Variants in EPHB2 observed in about 807,000 individuals in gnomAD.
EPHB2 encodes EPH receptor B2, also known as ephrin type-B receptor 2.
EPHB2 carries 18 observed loss-of-function variants against 96.4 expected under a neutral mutation model. That is an observed-to-expected ratio of 0.19 (90% CI 0.13 to 0.28). The LOEUF is 0.28. EPHB2 is among the 10% of genes least tolerant of loss of function. The pLI, the probability that EPHB2 is intolerant of heterozygous loss-of-function variation, is 1.00. For missense variants in EPHB2, 989 were observed against 1,355.4 expected (o/e 0.73, Z 4.25); for synonymous variants, 506 against 534.1 (o/e 0.95, Z 0.72).
At chr1:22,779,613 C>A (rs1644500456) in intron 1 of EPHB2, among the ~76,000 whole-genome samples, 1 of 152,222 alleles carries the variant, frequency 6.6e-6, no homozygotes. Flanking sequence ...TAGCCCAGAC[C>A]ATCAAACTAA....
At chr1:22,783,259 G>A (rs1187046726) in intron 2 of EPHB2, among the ~76,000 whole-genome samples, 3 of 152,228 alleles carry the variant, frequency 2.0e-5, no homozygotes, top group Admixed American at 1.3e-4. Flanking sequence ...GACCATGTGC[G>A]ATAATCACAC....
In EPHB2 at chr1:22,846,872, C is replaced by T. The variant is rs1645550977; in HGVS notation, c.812-16165C>T. Among the ~76,000 whole-genome samples, 1 of 152,234 alleles carries T rather than the reference C, an allele frequency of 6.6e-6. No homozygotes were observed. On this transcript the variant is annotated intron_variant, in intron 3 of 15. Coordinates refer to ENST00000374630, the MANE Select transcript of EPHB2 (RefSeq NM_017449.5). The surrounding 1 kb of genome is among the most constrained non-coding windows in gnomAD (Gnocchi z 4.3). ...CCTCTTCCCCACAGGCTTCCCCAGA[C>T]ATTGTTTGGAAACTGCTTACTGACC...
chr1:22,903,294 C>CA (rs1286298481), intron 9 of EPHB2, among the ~76,000 whole-genome samples: 1 of 152,194 alleles, frequency 6.6e-6, no homozygotes, highest in Non-Finnish European at 1.5e-5. Flanking sequence ...CTCCCTGAGT[C>CA]ATGTTGGGAG....
At chr1:22,835,086 G>A (rs957468014) in intron 3 of EPHB2, among the ~76,000 whole-genome samples, 1 of 151,582 alleles carries the variant, frequency 6.6e-6, no homozygotes, top group Non-Finnish European at 1.5e-5. Context: ...TTCAAAAAAG[G>A]GGTACCTATT....
chr1:22,800,879 A>G (rs1306952690), intron 3 of EPHB2, among the ~76,000 whole-genome samples: 3 of 152,100 alleles, frequency 2.0e-5, no homozygotes, highest in Non-Finnish European at 2.9e-5. Flanking sequence ...GGTCCTATTC[A>G]TGCCTCTTTC....
At chr1:22,760,276 A>G (rs974290925) in intron 1 of EPHB2, among the ~76,000 whole-genome samples, 1 of 152,092 alleles carries the variant, frequency 6.6e-6, no homozygotes, top group African/African-American at 2.4e-5. Flanking sequence ...GGGAACCCCA[A>G]AAATGACCTT....
At chr1:22,720,076 C>T (rs900863604) in intron 1 of EPHB2, among the ~76,000 whole-genome samples, 17 of 152,310 alleles carry the variant, frequency 1.1e-4, no homozygotes, top group African/African-American at 4.1e-4. Context: ...GCTGGTCCCC[C>T]TACGCTCCTC....
chr1:22,842,162 T>G (rs1352944781), intron 3 of EPHB2, among the ~76,000 whole-genome samples: 1 of 151,810 alleles, frequency 6.6e-6, no homozygotes, highest in Non-Finnish European at 1.5e-5. Flanking sequence ...AGACTCTGCA[T>G]AGCCCAGAGA....
intron 1 of EPHB2, chr1:22,774,539 A>T: frequency 2.0e-6 from 2 of 985,118 alleles, no homozygotes; most frequent in Non-Finnish European, 2.4e-6. Context: ...AAATCTAGAA[A>T]GGTCAAGTCA....
chr1:22,887,224 A>G (rs1352717313), intron 6 of EPHB2, among the ~76,000 whole-genome samples: 1 of 152,050 alleles, frequency 6.6e-6, no homozygotes, highest in Non-Finnish European at 1.5e-5. Flanking sequence ...ACCAAGAGTC[A>G]TGTCTCTCCC....
At chr1:22,873,857 C>T (rs945713175) in intron 5 of EPHB2, among the ~76,000 whole-genome samples, 4 of 152,188 alleles carry the variant, frequency 2.6e-5, no homozygotes, top group African/African-American at 9.6e-5. Flanking sequence ...ATTTCACGGC[C>T]ACTTCTAGCT....
intron 1 of EPHB2, among the ~76,000 whole-genome samples, chr1:22,743,623 C>G (rs1643930701): frequency 1.3e-5 from 2 of 152,222 alleles, no homozygotes; most frequent in South Asian, 2.1e-4. Flanking sequence ...AGGCACGCAC[C>G]ACCACACCCA....
Position 22,906,699 on chromosome 1 carries a change from T to TTC in EPHB2, c.1889-4_1889-3dup. On this transcript the variant is annotated splice_polypyrimidine_tract_variant and intron_variant, in intron 10 of 15. Coordinates refer to ENST00000374630, the MANE Select transcript of EPHB2 (RefSeq NM_017449.5). This position sits in a 1 kb window ranked among gnomAD's most constrained non-coding sequence, Gnocchi z 4.8. ...AGTGACATCCTGTCTGTCTTGGTGT[T>TTC]TCTCTCTCAGGGGAGTTTGGCGAGG... The TTC allele has an allele frequency of 1.2e-6, 2 of 1,614,064 alleles. No individual in the cohort carries two copies. The highest frequency in any genetic ancestry group is 1.7e-6 in the Non-Finnish European group (2 of 1,180,012).
chr1:22,721,535 T>C (rs549326537), intron 1 of EPHB2, among the ~76,000 whole-genome samples: 1 of 152,300 alleles, frequency 6.6e-6, no homozygotes, highest in South Asian at 2.1e-4. Context: ...AAAAGGCAGG[T>C]GCTACCCACT....
intron 3 of EPHB2, among the ~76,000 whole-genome samples, chr1:22,848,060 A>G (rs922728901): frequency 1.3e-5 from 2 of 152,176 alleles, no homozygotes; most frequent in Non-Finnish European, 2.9e-5. Flanking sequence ...GCACAAAGTG[A>G]TCATTGAGAA....
Position 22,846,140 on chromosome 1 carries a change from C to A in EPHB2, c.812-16897C>A, listed in dbSNP as rs1327384974. ...ATTCAAGAATGTCCCAGGGCGTGGC[C>A]AGGTGCGGTGGTTCACACCTGTAAT... On this transcript the variant is annotated intron_variant, in intron 3 of 15. Coordinates refer to ENST00000374630, the MANE Select transcript of EPHB2 (RefSeq NM_017449.5). The surrounding 1 kb of genome is among the most constrained non-coding windows in gnomAD (Gnocchi z 4.3). Among the ~76,000 whole-genome samples the A allele has an allele frequency of 1.3e-5, 2 of 152,128 alleles. No homozygotes were observed. The highest frequency in any genetic ancestry group is 2.4e-5 in the African/African-American group (1 of 41,412).
At chr1:22,899,473 C>G (rs1303751430) in intron 9 of EPHB2, among the ~76,000 whole-genome samples, 2 of 151,942 alleles carry the variant, frequency 1.3e-5, no homozygotes, top group Admixed American at 6.6e-5. Context: ...TGCACTCCAG[C>G]CTAGGCAACA....
intron 5 of EPHB2, among the ~76,000 whole-genome samples, chr1:22,880,656 G>A (rs541682550): frequency 2.6e-5 from 4 of 152,340 alleles, no homozygotes; most frequent in South Asian, 2.1e-4. Context: ...TCCAAATCCC[G>A]GCTCCCCCAC....
intron 3 of EPHB2, among the ~76,000 whole-genome samples, chr1:22,810,696 G>A (rs1644990814): frequency 6.6e-6 from 1 of 152,192 alleles, no homozygotes. Context: ...CCCCAGCAGA[G>A]CTGCCAGGGC....
Sources: allele counts gnomAD v4.1 joint callset (sites outside exome capture counted in the v4.1 genomes callset), GRCh38; gene constraint gnomAD v4.1.1; non-coding constraint Gnocchi (gnomAD v3.1); transcripts MANE v1.5; gene names NCBI Gene and HGNC (gene_info 2026-07-23, HGNC 2026-07-21).